The following VWCE variants were observed in gnomAD, a reference collection of about 807,000 sequenced individuals.
The protein encoded by VWCE is von Willebrand factor C and EGF domains.
Under a neutral mutation model 102.9 loss-of-function variants are expected in VWCE, and 68 were observed. That is an observed-to-expected ratio of 0.66 (90% confidence interval 0.54 to 0.81). The LOEUF (loss-of-function observed/expected upper bound fraction) is 0.81, where lower values mean the gene tolerates loss of function less well. VWCE is among the 30% of genes least tolerant of loss of function. The probability of loss-of-function intolerance (pLI) is 0.00; values close to 1 mark genes in which losing one functional copy is unlikely to be tolerated. For synonymous variants in VWCE, 497 were observed against 515.4 expected (o/e 0.96, Z 0.48); for missense variants, 1,137 against 1,263.6 (o/e 0.90, Z 1.52).
chr11:61,286,957 C>G (rs1208773769), intron 4 of VWCE, among the ~76,000 whole-genome samples: 1 of 151,866 alleles, frequency 6.6e-6, no homozygotes, highest in East Asian at 1.9e-4. Flanking sequence ...ATTAGCTGGG[C>G]GCGGTGGCGG....
intron 9 of VWCE, among the ~76,000 whole-genome samples, chr11:61,279,979 G>A (rs897406447): frequency 7.2e-5 from 11 of 152,116 alleles, no homozygotes; most frequent in South Asian, 2.1e-4. Context: ...CGCCCACCTC[G>A]GCCTCCCAAA....
rs1590600959 is a variant in VWCE at position 61,258,733 on chromosome 11, T to G, written c.2810A>C (p.His937Pro). ...CACTGGGGGCTGCTGGGGGCCAGGG[T>G]GGGTGGTGGCTGCAAGGGCTGTGGA... ...RLSTALAATTHPGPQQPPVGA... is the reference protein window; with the variant it reads ...RLSTALAATTPPGPQQPPVGA... The change falls in exon 20 of 20, where the codon CAC (histidine) becomes CCC (proline). Residue 937 changes from histidine to proline, a missense_variant. Around this residue, in one of 5 missense-constraint regions of VWCE, gnomAD observed 316 missense variants for 319.3 expected, o/e 0.99. Transcript: ENST00000335613. 35 of 1,355,600 alleles carry G rather than the reference T, an allele frequency of 2.6e-5. No individual in the cohort carries two copies. Among genetic ancestry groups the G allele is most frequent in the Middle Eastern group, 2.0e-4 (1 of 5,094 alleles). The allele number at this position is 1,355,600 out of a possible 1,614,324, so 84.0% of individuals were successfully genotyped here.
chr11:61,259,319 A>G lies in VWCE; in HGVS notation c.2231-7T>C. ...TCCAGAGGAGACAGGGAATCTAGAG[A>G]GACGAGGGTGAAACGAGATGCACAA... On this transcript the variant is annotated splice_region_variant and splice_polypyrimidine_tract_variant and intron_variant, in intron 19 of 19. Transcript: ENST00000335613. 1 of 1,561,922 alleles carries G rather than the reference A, an allele frequency of 6.4e-7. No individual in the cohort carries two copies. Among genetic ancestry groups the G allele is most frequent in the Non-Finnish European group, 8.7e-7 (1 of 1,154,458 alleles).
chr11:61,282,313 G>A (rs999053171), intron 6 of VWCE, among the ~76,000 whole-genome samples: 3 of 152,156 alleles, frequency 2.0e-5, no homozygotes, highest in Admixed American at 6.5e-5. Flanking sequence ...ACCTAACTCC[G>A]CTAGAACAAG....
chr11:61,278,430 T>A lies in VWCE; in HGVS notation c.1371A>T (p.Ser457=), dbSNP rs150343814. 4.1e-5 allele frequency: 66 copies of A among 1,613,642 alleles called. No homozygotes were observed. Among genetic ancestry groups the A allele is most frequent in the African/African-American group, 6.7e-5 (5 of 74,726 alleles). ...AGACGGTGCAGTTCTCATTGGGAGG[T>A]GAAAACACATCCCCTTCAGCTCGGA... ...GVVRAEGDVF[S]PPNENCTVCV... Residue 457 remains serine (S), a synonymous_variant, in exon 10 of 20, where the codon TCA becomes TCT. Transcript: ENST00000335613.
chr11:61,290,722 C>T, intron 4 of VWCE, 77 bp downstream of exon 4: 1 of 1,516,276 alleles, frequency 6.6e-7, no homozygotes, highest in Non-Finnish European at 8.9e-7. Flanking sequence ...ACACTGGAGA[C>T]CATCCTGGCA....
At position 61,264,821 on chromosome 11, in the gene VWCE, G is replaced by T. The variant is rs1004211209; in HGVS notation, c.2139+135C>A. 4 of 1,028,008 alleles carry T rather than the reference G, an allele frequency of 3.9e-6. No individual in the cohort carries two copies. The Admixed American group carries it at 8.9e-5, about 23-fold the overall frequency. 63.7% of individuals were successfully genotyped at this position (1,028,008 alleles called of 1,614,324 possible). A position where few individuals can be genotyped will look rare whatever the true frequency, so the allele number is the denominator to read the frequency against. On this transcript the variant is annotated intron_variant, in intron 18 of 19. Coordinates refer to ENST00000335613, the MANE Select transcript of VWCE (RefSeq NM_152718.2). Reference sequence around the variant, plus strand: ...AGATGGTCAAAACCAAAGATATTCTGGCAGTTAATTAAAGGCGGAGGATGG... The same window carrying T: ...AGATGGTCAAAACCAAAGATATTCTTGCAGTTAATTAAAGGCGGAGGATGG...
chr11:61,290,511 C>CA (rs35585461), intron 4 of VWCE, among the ~76,000 whole-genome samples: 1,433 of 49,992 alleles, frequency 0.029, 19 homozygotes, highest in South Asian at 0.12. Context: ...AACTTCGTCT[C>CA]AAAAAAAAAA....
At chr11:61,277,212 T>C (rs955021648) in intron 10 of VWCE, among the ~76,000 whole-genome samples, 4 of 151,298 alleles carry the variant, frequency 2.6e-5, no homozygotes, top group Admixed American at 1.3e-4. Flanking sequence ...TGTGCTTTCA[T>C]GTAGCACACA....
chr11:61,264,757 G>T (rs1326465750), intron 18 of VWCE, among the ~76,000 whole-genome samples, 180 bp from the exon 19 acceptor site: 2 of 152,230 alleles, frequency 1.3e-5, no homozygotes, highest in Non-Finnish European at 2.9e-5. Flanking sequence ...GACCCCCTTT[G>T]GGAAACCACT....
At chr11:61,286,488 T>C in intron 4 of VWCE, 58 bp from the exon 5 acceptor site, 1 of 1,519,538 alleles carries the variant, frequency 6.6e-7, no homozygotes, top group East Asian at 2.3e-5. Flanking sequence ...AACTTACACA[T>C]TTGTCAGTGT....
chr11:61,261,623 G>A (rs1854363183), intron 19 of VWCE, among the ~76,000 whole-genome samples: 1 of 151,524 alleles, frequency 6.6e-6, no homozygotes, highest in Non-Finnish European at 1.5e-5. Context: ...TCACTTCATG[G>A]GCTTGGAAAT....
At chr11:61,267,202 G>A (rs1179451710) in intron 16 of VWCE, among the ~76,000 whole-genome samples, 2 of 152,166 alleles carry the variant, frequency 1.3e-5, no homozygotes, top group African/African-American at 4.8e-5. Flanking sequence ...AGGTTGCAGT[G>A]AGCCAAGATC....
chr11:61,276,567 C>CA, intron 11 of VWCE, 26 bp downstream of exon 11: 1 of 1,341,220 alleles, frequency 7.5e-7, no homozygotes, highest in South Asian at 1.8e-5. Context: ...AAAAAAAAAG[C>CA]AAAATGCTCC....
At position 61,259,137 on chromosome 11, in the gene VWCE, A is replaced by C; in HGVS notation, c.2406T>G (p.Leu802=). The part of the protein sequence containing the change: ...SRPVLHLLQL[L]LRTNLMKTQT... ...GTGTTTTCATCAAGTTCGTTCTTAA[A>C]AGGAGCTGGAGGAGATGAAGCACCG... The change falls in exon 20 of 20, where the codon CTT becomes CTG. Residue 802 remains leucine, a synonymous_variant. Transcript: ENST00000335613. The C allele has an allele frequency of 6.2e-7, 1 of 1,614,104 alleles. No individual in the cohort carries two copies. Among genetic ancestry groups the C allele is most frequent in the Non-Finnish European group, 8.5e-7 (1 of 1,180,000 alleles).
rs1317661972 is a variant in VWCE at position 61,278,471 on chromosome 11, AACAGCCTTTGAAGG to A, written c.1325-9_1329del. Reference sequence around the variant, plus strand: ...TCAGCTCGGACGACACCACTGTGAAAACAGCCTTTGAAGGACAAATAGGAGGTAGAGGCATCAGA... The same window carrying A: ...TCAGCTCGGACGACACCACTGTGAAAACAAATAGGAGGTAGAGGCATCAGA... On this transcript the variant is annotated splice_acceptor_variant and splice_polypyrimidine_tract_variant and coding_sequence_variant and intron_variant, in exon 10 of 20. Transcript: ENST00000335613. LOFTEE classifies it high-confidence loss of function. 1.9e-6 allele frequency: 3 copies of A among 1,614,004 alleles called. No homozygotes were observed. In the Admixed American group the frequency reaches 5.0e-5, roughly 27 times the overall value.
intron 4 of VWCE, among the ~76,000 whole-genome samples, chr11:61,287,288 A>G (rs896756870): frequency 2.0e-5 from 3 of 152,064 alleles, no homozygotes; most frequent in Non-Finnish European, 2.9e-5. Context: ...CTATGAGGAA[A>G]CCCCAGGAAG....
chr11:61,268,642 G>A (rs1298010960), intron 15 of VWCE, among the ~76,000 whole-genome samples: 6 of 152,222 alleles, frequency 3.9e-5, no homozygotes. Flanking sequence ...AAAAATGACT[G>A]TTAAAACTTC....
At position 61,259,183 on chromosome 11, in the gene VWCE, G is replaced by C; in HGVS notation, c.2360C>G (p.Pro787Arg). ...CACCGGCCTCGAGGGTGATGCTGTC[G>C]GGGGCCCAGGACAGGAGCTACAGTT... ...PVNCSSCPGP[P>R]TASPSRPVLH... The change falls in exon 20 of 20, where the codon CCG becomes CGG. Residue 787 changes from proline (P) to arginine (R), a missense_variant. Transcript: ENST00000335613. The C allele has an allele frequency of 6.2e-7, 1 of 1,614,160 alleles. No homozygotes were observed. The highest frequency in any genetic ancestry group is 8.5e-7 in the Non-Finnish European group (1 of 1,180,010).
Sources: allele counts gnomAD v4.1 joint callset (sites outside exome capture counted in the v4.1 genomes callset), GRCh38; gene constraint gnomAD v4.1.1; regional missense constraint gnomAD v4.1.1; transcripts MANE v1.5; gene names NCBI Gene and HGNC (gene_info 2026-07-23, HGNC 2026-07-21).